The following THAP12 variants were observed in gnomAD, a reference collection of about 807,000 sequenced individuals.
The protein encoded by THAP12 is THAP domain containing 12.
In THAP12, 20 loss-of-function variants were observed where a neutral mutation model predicts 63.0. That is an observed-to-expected ratio of 0.32 (90% CI 0.22 to 0.46). The LOEUF (loss-of-function observed/expected upper bound fraction) is 0.46. Among genes scored for constraint, THAP12 ranks in the 20% least tolerant of loss-of-function variants. The pLI is 1.00. For synonymous variants in THAP12, 264 were observed against 328.4 expected (o/e 0.80, Z 2.12); for missense variants, 568 against 908.2 (o/e 0.63, Z 4.81).
rs1265268785 is a variant in THAP12, at chr11:76,370,840, A to AT, written c.90-4869_90-4868insA. ...CGTCTCAAAAAAAAAGAAAAAAAAAAAAAATATATATATATATGACCACAA... is the reference window on the plus strand; with the variant it reads ...CGTCTCAAAAAAAAAGAAAAAAAAAATAAAATATATATATATATGACCACAA... On this transcript the variant is annotated intron_variant, in intron 1 of 4. Coordinates refer to ENST00000260045, the MANE Select transcript of THAP12 (RefSeq NM_004705.4). 3.7e-3 allele frequency among the ~76,000 whole-genome samples: 497 copies of AT among 132,916 alleles called. 1 individual carries two copies. The highest frequency in any genetic ancestry group is 6.0e-3 in the East Asian group (26 of 4,366). The allele number at this position is 132,916 out of a possible 152,430, so 87.2% of individuals were successfully genotyped here. A position where few individuals can be genotyped will look rare whatever the true frequency, so the allele number is the denominator to read the frequency against.
At chr11:76,379,086 G>A (rs2134520633) in intron 1 of THAP12, among the ~76,000 whole-genome samples, 1 of 152,300 alleles carries the variant, frequency 6.6e-6, no homozygotes, top group Admixed American at 6.5e-5. Context: ...ACCGACACAG[G>A]AGGACTGCTT....
chr11:76,379,423 G>C (rs1946733916), intron 1 of THAP12, among the ~76,000 whole-genome samples: 2 of 152,072 alleles, frequency 1.3e-5, no homozygotes, highest in Non-Finnish European at 2.9e-5. Context: ...TGCCTTCCAA[G>C]ACCTACAAGG....
chr11:76,365,742 G>C (rs577666088), intron 2 of THAP12, 110 bp downstream of exon 2: 5 of 1,319,376 alleles, frequency 3.8e-6, no homozygotes, highest in Non-Finnish European at 5.1e-6. Context: ...TAAAGTGGCA[G>C]GATATAGGAA....
chr11:76,351,244 C>A lies in THAP12; in HGVS notation c.1906G>T (p.Asp636Tyr), dbSNP rs765091289. 2 of 1,556,162 alleles carry A rather than the reference C, an allele frequency of 1.3e-6. No individual in the cohort carries two copies. The highest frequency in any genetic ancestry group is 1.7e-6 in the Non-Finnish European group (2 of 1,151,214). The change falls in exon 5 of 5, where the codon GAC (aspartate) becomes TAC (tyrosine). Residue 636 changes from aspartate (D) to tyrosine (Y), a missense_variant. By Grantham distance (160) the Asp-to-Tyr change is radical. Coordinates refer to ENST00000260045, the MANE Select transcript of THAP12 (RefSeq NM_004705.4). ...DMYRSDLPNP[D>Y]TLSAELHCWR... ...CAATGAAGCTCAGCTGACAGCGTGT[C>A]AGGATTGGGTAAGTCACTTCTATAC...
At chr11:76,360,935 G>A (rs978378573) in intron 3 of THAP12, 21 bp downstream of exon 3, 1 of 1,505,394 alleles carries the variant, frequency 6.6e-7, no homozygotes, top group Non-Finnish European at 9.2e-7. Flanking sequence ...AGGTGGGAAA[G>A]CTGAAAGTAC....
chr11:76,362,455 T>C (rs1840211269), intron 2 of THAP12, among the ~76,000 whole-genome samples: 2 of 152,232 alleles, frequency 1.3e-5, no homozygotes, highest in African/African-American at 4.8e-5. Flanking sequence ...GAGTCAATAT[T>C]TTCTAGTTCA....
chr11:76,364,359 T>C (rs1187865987), intron 2 of THAP12: 1 of 430,544 alleles, frequency 2.3e-6, no homozygotes, highest in Non-Finnish European at 4.6e-6. Context: ...TTCACAAGTA[T>C]CTGCTTCAAT....
chr11:76,379,858 T>A (rs1946738847), intron 1 of THAP12, among the ~76,000 whole-genome samples: 1 of 152,192 alleles, frequency 6.6e-6, no homozygotes. Context: ...AGACCTTCAA[T>A]AATTAATTGA....
chr11:76,370,285 G>A (rs1452875127), intron 1 of THAP12, among the ~76,000 whole-genome samples: 1 of 152,058 alleles, frequency 6.6e-6, no homozygotes, highest in Non-Finnish European at 1.5e-5. Flanking sequence ...AAATCCCGGT[G>A]AAATTTTCAT....
chr11:76,371,769 G>C (rs927995130), intron 1 of THAP12, among the ~76,000 whole-genome samples: 1 of 150,958 alleles, frequency 6.6e-6, no homozygotes, highest in African/African-American at 2.4e-5. Flanking sequence ...CAAATCCAAC[G>C]GTCACTTTCC....
At chr11:76,358,951 C>T (rs543119571) in intron 3 of THAP12, 10 of 152,110 alleles carry the variant, frequency 6.6e-5, no homozygotes, top group African/African-American at 2.2e-4. Flanking sequence ...CAACATAGTA[C>T]CAGGGATCTT....
At chr11:76,370,381 G>C (rs553789458) in intron 1 of THAP12, among the ~76,000 whole-genome samples, 1 of 151,690 alleles carries the variant, frequency 6.6e-6, no homozygotes, top group South Asian at 2.1e-4. Flanking sequence ...TTTTTTTTGA[G>C]AGAGAGGATC....
intron 2 of THAP12, among the ~76,000 whole-genome samples, chr11:76,361,963 G>T (rs1008459283): frequency 6.6e-6 from 1 of 152,144 alleles, no homozygotes; most frequent in Non-Finnish European, 1.5e-5. Flanking sequence ...AGGTATTTCT[G>T]TATCTCTTTC....
chr11:76,371,336 T>G (rs79022667), intron 1 of THAP12, among the ~76,000 whole-genome samples: 3,755 of 152,260 alleles, frequency 0.025, 145 homozygotes, highest in African/African-American at 0.085. Context: ...TTGCTGCTTT[T>G]TATACACTTC....
At chr11:76,363,655 C>T (rs531453785) in intron 2 of THAP12, among the ~76,000 whole-genome samples, 20 of 152,336 alleles carry the variant, frequency 1.3e-4, no homozygotes, top group African/African-American at 4.8e-4. Context: ...GTGGCACAAT[C>T]TTGGCTCACT....
At chr11:76,380,665 C>T in intron 1 of THAP12, 83 bp downstream of exon 1, 1 of 1,120,520 alleles carries the variant, frequency 8.9e-7, no homozygotes, top group Non-Finnish European at 1.2e-6. Context: ...CTCAGCCAGC[C>T]CGGGAGCCCG....
intron 3 of THAP12, chr11:76,357,841 A>G (rs2134502199): frequency 6.6e-6 from 1 of 152,342 alleles, no homozygotes; most frequent in African/African-American, 2.4e-5. Context: ...GGGTATAGCT[A>G]AAATGGACCT....
intron 3 of THAP12, 148 bp from the exon 4 acceptor site, chr11:76,355,802 T>G (rs1324267234): frequency 2.0e-5 from 11 of 554,576 alleles, no homozygotes; most frequent in Non-Finnish European, 3.2e-5. Context: ...GTACACATTC[T>G]TCAAACAAAC....
At chr11:76,361,213 TCTA>T in intron 2 of THAP12, 150 bp from the exon 3 acceptor site, 1 of 535,268 alleles carries the variant, frequency 1.9e-6, no homozygotes, top group Non-Finnish European at 3.2e-6. Flanking sequence ...TTCAGGTCAG[TCTA>T]CTATTTCCAA....
Sources: allele counts gnomAD v4.1 joint callset (sites outside exome capture counted in the v4.1 genomes callset), GRCh38; gene constraint gnomAD v4.1.1; transcripts MANE v1.5; gene names NCBI Gene and HGNC (gene_info 2026-07-23, HGNC 2026-07-21).